The following ENTREP2 variants were observed in gnomAD, a reference collection of about 807,000 sequenced individuals.
The protein encoded by ENTREP2 is endosomal transmembrane epsin interactor 2, also known as protein ENTREP2.
the ENTREP2 span, among the ~76,000 whole-genome samples, chr15:29,350,240 G>A: frequency 6.6e-6 from 1 of 152,044 alleles, no homozygotes; most frequent in East Asian, 1.9e-4. Flanking sequence ...CTTAAGTTTG[G>A]CTATATTATT....
the ENTREP2 span, among the ~76,000 whole-genome samples, chr15:29,307,977 G>C: frequency 6.6e-6 from 1 of 152,144 alleles, no homozygotes; most frequent in African/African-American, 2.4e-5. Flanking sequence ...AATTATTTTA[G>C]AAGAGAAACA....
the ENTREP2 span, among the ~76,000 whole-genome samples, chr15:29,583,283 T>C: frequency 6.6e-6 from 1 of 152,180 alleles, no homozygotes; most frequent in African/African-American, 2.4e-5. Flanking sequence ...ATGTGGTACA[T>C]ATACACCAGG....
chr15:29,359,777 C>T, the ENTREP2 span, among the ~76,000 whole-genome samples: 2 of 152,144 alleles, frequency 1.3e-5, no homozygotes, highest in African/African-American at 4.8e-5. Context: ...AATTTGAAAC[C>T]TTTGAGTCTT....
chr15:29,188,140 G>A, the ENTREP2 span, among the ~76,000 whole-genome samples: 1 of 152,164 alleles, frequency 6.6e-6, no homozygotes, highest in Non-Finnish European at 1.5e-5. Flanking sequence ...TGTGTCTTTG[G>A]TCTCTGCTCC....
the ENTREP2 span, chr15:29,136,515 A>T: frequency 1.3e-6 from 2 of 1,546,500 alleles, no homozygotes; most frequent in Non-Finnish European, 1.7e-6. Flanking sequence ...AAAAGACAGA[A>T]TCATCACATC....
the ENTREP2 span, among the ~76,000 whole-genome samples, chr15:29,505,350 T>A: frequency 6.6e-6 from 1 of 152,232 alleles, no homozygotes; most frequent in Admixed American, 6.5e-5. The surrounding 1 kb of genome is among the most constrained non-coding windows in gnomAD (Gnocchi z 4.3). Flanking sequence ...TAAATATTCC[T>A]GCCTGCTGGC....
chr15:29,420,229 T>A, the ENTREP2 span, among the ~76,000 whole-genome samples: 1 of 152,134 alleles, frequency 6.6e-6, no homozygotes, highest in Non-Finnish European at 1.5e-5. Context: ...GAAGTAGATA[T>A]GCTGAAAGGA....
At chr15:29,369,417 A>G in the ENTREP2 span, among the ~76,000 whole-genome samples, 6 of 151,970 alleles carry the variant, frequency 3.9e-5, no homozygotes, top group Non-Finnish European at 8.8e-5. Flanking sequence ...CAGGAGGCAG[A>G]GCAAATGGCA....
chr15:29,351,286 G>A, the ENTREP2 span, among the ~76,000 whole-genome samples: 2 of 152,160 alleles, frequency 1.3e-5, no homozygotes, highest in African/African-American at 4.8e-5. Context: ...TAGACAAAGT[G>A]CATAAAATGT....
chr15:29,492,550 C>T, the ENTREP2 span, among the ~76,000 whole-genome samples: 3 of 152,142 alleles, frequency 2.0e-5, no homozygotes, highest in Admixed American at 6.5e-5. Flanking sequence ...GCCATGAGGA[C>T]TCAATAGGAA....
the ENTREP2 span, among the ~76,000 whole-genome samples, chr15:29,206,166 T>C: frequency 6.6e-6 from 1 of 152,150 alleles, no homozygotes. Flanking sequence ...AAGCCCAGGA[T>C]TAAAACACCA....
chr15:29,394,773 T>C, the ENTREP2 span, among the ~76,000 whole-genome samples: 67 of 152,216 alleles, frequency 4.4e-4, no homozygotes, highest in African/African-American at 1.5e-3. Context: ...ACCATTCTTC[T>C]TTCTGTCTCT....
chr15:29,407,670 AT>A, the ENTREP2 span, among the ~76,000 whole-genome samples: 3 of 148,452 alleles, frequency 2.0e-5, no homozygotes, highest in Non-Finnish European at 3.0e-5. Flanking sequence ...TTTGCTCCCC[AT>A]TTTTTTGGGT....
At chr15:29,489,400 G>A in the ENTREP2 span, among the ~76,000 whole-genome samples, 1 of 152,144 alleles carries the variant, frequency 6.6e-6, no homozygotes, top group Non-Finnish European at 1.5e-5. Flanking sequence ...AAAGTAAGAC[G>A]TTGCCCTTGG....
chr15:29,188,948 C>T, the ENTREP2 span, among the ~76,000 whole-genome samples: 4 of 152,222 alleles, frequency 2.6e-5, no homozygotes, highest in East Asian at 5.8e-4. Flanking sequence ...GGCGTACCCT[C>T]GCTCCTCGGG....
At chr15:29,447,252 G>C in the ENTREP2 span, among the ~76,000 whole-genome samples, 1 of 152,092 alleles carries the variant, frequency 6.6e-6, no homozygotes, top group African/African-American at 2.4e-5. Flanking sequence ...AATGAATCAA[G>C]AATGCTAAGA....
the ENTREP2 span, among the ~76,000 whole-genome samples, chr15:29,455,256 G>C: frequency 1.3e-5 from 2 of 152,110 alleles, no homozygotes; most frequent in Non-Finnish European, 2.9e-5. Context: ...TTACAGGCAA[G>C]CCATACTAAC....
the ENTREP2 span, among the ~76,000 whole-genome samples, chr15:29,336,312 G>A: frequency 6.6e-6 from 1 of 151,492 alleles, no homozygotes; most frequent in Non-Finnish European, 1.5e-5. Context: ...CATTAATATG[G>A]TTTGTTGTTG....
At chr15:29,240,100 C>T in the ENTREP2 span, among the ~76,000 whole-genome samples, 1 of 152,186 alleles carries the variant, frequency 6.6e-6, no homozygotes. Context: ...TGGTGGCTCA[C>T]GCCTGTAATC....
Sources: allele counts gnomAD v4.1 joint callset (sites outside exome capture counted in the v4.1 genomes callset), GRCh38; gene constraint gnomAD v4.1.1; non-coding constraint Gnocchi (gnomAD v3.1); transcripts MANE v1.5; gene names NCBI Gene and HGNC (gene_info 2026-07-23, HGNC 2026-07-21).